CCDC38: variants seen among roughly 807,000 people sequenced by gnomAD.
CCDC38 encodes the protein coiled-coil domain-containing protein 38.
A neutral mutation model predicts 72.8 loss-of-function variants in CCDC38; 69 were observed. The observed-to-expected ratio is 0.95, with a 90% confidence interval of 0.78 to 1.16. The LOEUF (loss-of-function observed/expected upper bound fraction) is 1.16, where lower values mean the gene tolerates loss of function less well. Ranked by LOEUF, CCDC38 falls within the 50% of genes most tolerant of loss-of-function variation. CCDC38 has a pLI of 0.00. For synonymous variants in CCDC38, 201 were observed against 213.2 expected, an observed-to-expected ratio of 0.94 and a Z score of 0.50; for missense variants, 626 against 638.9, an observed-to-expected ratio of 0.98 and a Z score of 0.22.
At chr12:95,926,897 G>A (rs1272340990) in intron 2 of CCDC38, among the ~76,000 whole-genome samples, 4 of 151,920 alleles carry the variant, frequency 2.6e-5, no homozygotes, top group African/African-American at 9.7e-5. Context: ...TTGCACTGTG[G>A]TCTGAGAGAT....
intron 5 of CCDC38, among the ~76,000 whole-genome samples, chr12:95,905,390 C>A (rs144910010): frequency 1.3e-5 from 2 of 152,224 alleles, no homozygotes; most frequent in Non-Finnish European, 2.9e-5. Context: ...TGTCAAGCAC[C>A]ACCTTAAACT....
intron 2 of CCDC38, among the ~76,000 whole-genome samples, chr12:95,929,106 G>A (rs886701610): frequency 1.7e-4 from 26 of 152,340 alleles, no homozygotes; most frequent in African/African-American, 6.0e-4. Flanking sequence ...ACCTAAGCAA[G>A]CCTGGGCAAT....
intron 10 of CCDC38, chr12:95,885,711 A>T (rs955154381): frequency 6.5e-6 from 1 of 152,746 alleles, no homozygotes. Context: ...AACAAGAGTC[A>T]TCAGCTCCCA....
chr12:95,896,148 G>A (rs1368135618), intron 7 of CCDC38, among the ~76,000 whole-genome samples: 1 of 151,940 alleles, frequency 6.6e-6, no homozygotes, highest in Non-Finnish European at 1.5e-5. Flanking sequence ...TATTACTACA[G>A]GCAGGACACA....
At chr12:95,914,893 GGT>G (rs2080129470) in intron 4 of CCDC38, among the ~76,000 whole-genome samples, 1 of 151,764 alleles carries the variant, frequency 6.6e-6, no homozygotes, top group Admixed American at 6.6e-5. Context: ...GTATCCTCAT[GGT>G]GTTATCTAAC....
At chr12:95,936,650 T>C (rs1049002631) in intron 1 of CCDC38, 127 bp from the exon 2 acceptor site, 4 of 600,564 alleles carry the variant, frequency 6.7e-6, no homozygotes, top group African/African-American at 5.7e-5. Context: ...ACACACATAC[T>C]CTTTGACCCA....
intron 8 of CCDC38, among the ~76,000 whole-genome samples, chr12:95,891,590 C>T (rs1244741656): frequency 3.3e-5 from 5 of 152,122 alleles, no homozygotes; most frequent in East Asian, 1.9e-4. Flanking sequence ...TCAAGCACCC[C>T]GCCTGCCTTG....
At chr12:95,942,178 G>T (rs2080458884) in intron 1 of CCDC38, among the ~76,000 whole-genome samples, 2 of 152,060 alleles carry the variant, frequency 1.3e-5, no homozygotes, top group South Asian at 2.1e-4. Context: ...TGTTCCACAA[G>T]ACTTAACACA....
intron 8 of CCDC38, among the ~76,000 whole-genome samples, chr12:95,892,255 A>AC (rs1398013791): frequency 8.4e-6 from 1 of 119,652 alleles, no homozygotes; most frequent in Admixed American, 8.0e-5. Flanking sequence ...TTGATTTGTG[A>AC]CCCCGCTTTC....
At chr12:95,894,843 A>G in intron 8 of CCDC38, 146 bp downstream of exon 8, 1 of 662,928 alleles carries the variant, frequency 1.5e-6, no homozygotes, top group East Asian at 3.0e-5. Flanking sequence ...CAAGTTTCCA[A>G]ATTAATGATA....
At chr12:95,930,704 C>G (rs1264437734) in intron 2 of CCDC38, among the ~76,000 whole-genome samples, 1 of 152,144 alleles carries the variant, frequency 6.6e-6, no homozygotes, top group Non-Finnish European at 1.5e-5. Flanking sequence ...TTACAGCACT[C>G]CATACCTGCA....
intron 2 of CCDC38, chr12:95,919,466 C>T (rs2080180253): frequency 4.4e-6 from 2 of 450,974 alleles, no homozygotes; most frequent in Non-Finnish European, 8.9e-6. Flanking sequence ...AGTTCGTTCA[C>T]AAGGACTCAA....
At chr12:95,914,221 G>A (rs950706910) in intron 4 of CCDC38, among the ~76,000 whole-genome samples, 8 of 152,198 alleles carry the variant, frequency 5.3e-5, no homozygotes, top group Non-Finnish European at 1.2e-4. Context: ...GCTACTCGGA[G>A]GCTGGGGCAC....
At chr12:95,903,616 T>C (rs1410773096) in intron 5 of CCDC38, 5 of 555,076 alleles carry the variant, frequency 9.0e-6, no homozygotes, top group Non-Finnish European at 1.6e-5. Context: ...TTGGATATTG[T>C]TGAGTGGTTT....
At chr12:95,917,728 C>T (rs894137758) in intron 3 of CCDC38, among the ~76,000 whole-genome samples, 7 of 151,842 alleles carry the variant, frequency 4.6e-5, no homozygotes, top group Non-Finnish European at 7.4e-5. Context: ...AAAAATTAGC[C>T]GGGCGTGGTG....
intron 10 of CCDC38, chr12:95,885,466 C>A: frequency 5.6e-6 from 1 of 180,052 alleles, no homozygotes; most frequent in Non-Finnish European, 1.2e-5. Flanking sequence ...AAGACTGTTG[C>A]CATTTAACTA....
chr12:95,904,394 C>T (rs774781917), intron 5 of CCDC38, among the ~76,000 whole-genome samples: 2 of 152,326 alleles, frequency 1.3e-5, no homozygotes, highest in South Asian at 4.1e-4. Context: ...CCCCAAATAC[C>T]GTCAGTTTTG....
intron 14 of CCDC38, among the ~76,000 whole-genome samples, chr12:95,870,809 C>T (rs1355813192): frequency 6.6e-6 from 1 of 152,140 alleles, no homozygotes; most frequent in Non-Finnish European, 1.5e-5. Flanking sequence ...ACCCTACATC[C>T]ATAAAGTAGT....
chr12:95,880,976 T>C (rs760075884), intron 11 of CCDC38, among the ~76,000 whole-genome samples: 3 of 152,138 alleles, frequency 2.0e-5, no homozygotes, highest in African/African-American at 7.2e-5. Flanking sequence ...ATTTTTTACA[T>C]GTTTATTTGT....
Sources: allele counts gnomAD v4.1 joint callset (sites outside exome capture counted in the v4.1 genomes callset), GRCh38; gene constraint gnomAD v4.1.1; transcripts MANE v1.5; gene names NCBI Gene and HGNC (gene_info 2026-07-23, HGNC 2026-07-21).